The following CSMD3 variants were observed in gnomAD, a reference collection of about 807,000 sequenced individuals.
The protein encoded by CSMD3 is CUB and sushi domain-containing protein 3.
In CSMD3, 177 loss-of-function variants were observed where a neutral mutation model predicts 435.2. That is an observed-to-expected ratio of 0.41 (90% CI 0.36 to 0.46). CSMD3 has a LOEUF of 0.46. Ranked by LOEUF, CSMD3 falls within the 20% of genes least tolerant of loss-of-function variation. CSMD3 has a pLI of 0.34. For synonymous variants in CSMD3, 1,656 were observed against 1,520.5 expected (o/e 1.09, Z -2.07); for missense variants, 4,265 against 4,504.6 (o/e 0.95, Z 1.52).
At chr8:112,608,191 C>T (rs191202151) in intron 22 of CSMD3, among the ~76,000 whole-genome samples, 7 of 151,896 alleles carry the variant, frequency 4.6e-5, no homozygotes. Flanking sequence ...ATTAAGAAAG[C>T]AATGCCATGT....
chr8:112,484,184 A>C (rs1017056320), intron 31 of CSMD3, among the ~76,000 whole-genome samples: 2 of 152,184 alleles, frequency 1.3e-5, no homozygotes, highest in Non-Finnish European at 2.9e-5. Context: ...ATGAAGAAGA[A>C]AAATGTCTAT....
intron 2 of CSMD3, among the ~76,000 whole-genome samples, chr8:113,296,691 G>C (rs1307206252): frequency 6.6e-6 from 1 of 152,166 alleles, no homozygotes; most frequent in African/African-American, 2.4e-5. Flanking sequence ...TGAATGTTAT[G>C]TTATCAGATA....
chr8:112,401,428 C>G (rs1831334273), intron 35 of CSMD3, among the ~76,000 whole-genome samples: 1 of 151,898 alleles, frequency 6.6e-6, no homozygotes. Context: ...TGCATGTCTT[C>G]ATGGATATAA....
intron 27 of CSMD3, among the ~76,000 whole-genome samples, chr8:112,537,808 G>T (rs1826273772): frequency 6.6e-6 from 1 of 151,500 alleles, no homozygotes; most frequent in Non-Finnish European, 1.5e-5. Flanking sequence ...ATTTAGAGAA[G>T]ACCTAATACC....
chr8:113,093,312 T>A (rs2090063984), intron 5 of CSMD3, among the ~76,000 whole-genome samples: 1 of 151,966 alleles, frequency 6.6e-6, no homozygotes, highest in Admixed American at 6.6e-5. Context: ...GATGCCATCA[T>A]ATACAGAATG....
chr8:112,597,191 A>G (rs1831813825), intron 22 of CSMD3, among the ~76,000 whole-genome samples: 1 of 151,154 alleles, frequency 6.6e-6, no homozygotes. Context: ...GGATATCACC[A>G]CCAATCCCAC....
chr8:112,704,483 C>T (rs1253458717), intron 13 of CSMD3, among the ~76,000 whole-genome samples: 4 of 152,048 alleles, frequency 2.6e-5, no homozygotes, highest in Admixed American at 6.6e-5. Context: ...AAGACCTGCA[C>T]GAAATGTCTG....
intron 12 of CSMD3, among the ~76,000 whole-genome samples, chr8:112,820,028 C>T (rs1489910306): frequency 6.6e-6 from 1 of 152,068 alleles, no homozygotes. Flanking sequence ...TAGTTGCGGT[C>T]TTATTTCATT....
intron 1 of CSMD3, among the ~76,000 whole-genome samples, chr8:113,389,115 C>G (rs1055924826): frequency 1.3e-5 from 2 of 151,526 alleles, no homozygotes; most frequent in Non-Finnish European, 3.0e-5. Flanking sequence ...GTTTGTGTGA[C>G]TCAGTATGAT....
intron 17 of CSMD3, among the ~76,000 whole-genome samples, chr8:112,664,825 T>G (rs923969082): frequency 6.6e-6 from 1 of 152,244 alleles, no homozygotes; most frequent in Admixed American, 6.5e-5. Flanking sequence ...GAATAAACTG[T>G]CTTGTGGACA....
At chr8:113,144,537 G>C (rs1275957094) in intron 4 of CSMD3, among the ~76,000 whole-genome samples, 1 of 151,494 alleles carries the variant, frequency 6.6e-6, no homozygotes, top group East Asian at 1.9e-4. Flanking sequence ...CTCTTTTCAA[G>C]GCTTAGATGC....
At chr8:113,196,429 T>C (rs568842485) in intron 3 of CSMD3, among the ~76,000 whole-genome samples, 7 of 151,298 alleles carry the variant, frequency 4.6e-5, no homozygotes, top group Non-Finnish European at 7.4e-5. Context: ...TACTGTTATA[T>C]AGACAAATGG....
intron 38 of CSMD3, among the ~76,000 whole-genome samples, chr8:112,362,076 T>C (rs2131124087): frequency 6.6e-6 from 1 of 152,070 alleles, no homozygotes; most frequent in Non-Finnish European, 1.5e-5. Context: ...TAGACATTTG[T>C]GGTAATCAAA....
In CSMD3 at chr8:112,920,095, C is replaced by T. The variant is rs768319177; in HGVS notation, c.1633+1532G>A. ...AAACAAGCCATCAGAAATGCCAGTA[C>T]GACATGATGAGGTATTCATTTTCAA... On this transcript the variant is annotated intron_variant, in intron 10 of 70. Transcript: ENST00000297405. 3.3e-5 allele frequency among the ~76,000 whole-genome samples: 5 copies of T among 151,560 alleles called. No individual in the cohort carries two copies. The South Asian group carries it at 6.2e-4, about 19-fold the overall frequency.
chr8:112,713,799 C>A (rs1006346588), intron 13 of CSMD3, among the ~76,000 whole-genome samples: 1 of 151,986 alleles, frequency 6.6e-6, no homozygotes, highest in Non-Finnish European at 1.5e-5. Context: ...AATTTTCAAC[C>A]CAGAATTTCA....
At position 113,295,510 on chromosome 8, in the gene CSMD3, G is replaced by C. The variant is rs188129627; in HGVS notation, c.402-16806C>G. On this transcript the variant is annotated intron_variant, in intron 2 of 70. Coordinates refer to ENST00000297405, the MANE Select transcript of CSMD3 (RefSeq NM_198123.2). ...TTAAAATATTAGCTATCTAAAGGTA[G>C]AGCAGAAAGAATGATATAAAATAAA... 4.2e-3 allele frequency among the ~76,000 whole-genome samples: 638 copies of C among 152,278 alleles called. 2 individuals carry two copies. The highest frequency in any genetic ancestry group is 0.013 in the African/African-American group (558 of 41,558).
chr8:113,090,487 T>G (rs1397247318), intron 5 of CSMD3, among the ~76,000 whole-genome samples: 1 of 152,210 alleles, frequency 6.6e-6, no homozygotes, highest in East Asian at 1.9e-4. Flanking sequence ...AATTGTAGGT[T>G]CTCTGTTACA....
At chr8:112,403,860 G>A (rs1251787758) in intron 35 of CSMD3, among the ~76,000 whole-genome samples, 1 of 152,058 alleles carries the variant, frequency 6.6e-6, no homozygotes, top group African/African-American at 2.4e-5. Flanking sequence ...ATCAGAAATC[G>A]TGGTTATTTA....
chr8:113,355,584 G>A (rs929185194), intron 1 of CSMD3, among the ~76,000 whole-genome samples: 5 of 151,406 alleles, frequency 3.3e-5, no homozygotes, highest in South Asian at 2.1e-4. Context: ...CAAAGGCCGC[G>A]CTTCCTGGTA....
Sources: allele counts gnomAD v4.1 joint callset (sites outside exome capture counted in the v4.1 genomes callset), GRCh38; gene constraint gnomAD v4.1.1; transcripts MANE v1.5; gene names NCBI Gene and HGNC (gene_info 2026-07-23, HGNC 2026-07-21).